Variants in PHYH observed in about 807,000 individuals in gnomAD.
PHYH encodes phytanoyl-CoA 2-hydroxylase, also known as phytanoyl-CoA dioxygenase, peroxisomal.
In PHYH, 32 loss-of-function variants were observed where a neutral mutation model predicts 38.5. The observed-to-expected ratio is 0.83, with a 90% CI of 0.63 to 1.12. PHYH has a LOEUF of 1.12. Among genes scored for constraint, PHYH ranks in the 50% most tolerant of loss-of-function variants. PHYH has a pLI of 0.00. For missense variants in PHYH, 426 were observed against 434.8 expected, an observed-to-expected ratio of 0.98 and a Z score of 0.18; for synonymous variants, 166 against 157.9, an observed-to-expected ratio of 1.05 and a Z score of -0.38.
intron 1 of PHYH, among the ~76,000 whole-genome samples, chr10:13,299,147 A>G (rs1588520445): frequency 1.4e-5 from 2 of 144,756 alleles, no homozygotes; most frequent in East Asian, 4.1e-4. Flanking sequence ...AAAAAAAACC[A>G]AAAAAGCAAA....
intron 7 of PHYH, among the ~76,000 whole-genome samples, chr10:13,283,216 C>T (rs1014531939): frequency 1.3e-5 from 2 of 148,966 alleles, no homozygotes; most frequent in East Asian, 2.0e-4. Flanking sequence ...GCAGACTCCA[C>T]CCCCTGGGGT....
chr10:13,279,058 G>T (rs937976044), intron 8 of PHYH, among the ~76,000 whole-genome samples: 3 of 151,810 alleles, frequency 2.0e-5, no homozygotes, highest in Non-Finnish European at 4.4e-5. Flanking sequence ...GAGTGCAATG[G>T]TACCATCTTG....
chr10:13,299,709 C>T (rs1832696295), intron 1 of PHYH: 2 of 1,292,120 alleles, frequency 1.5e-6, no homozygotes, highest in Non-Finnish European at 2.0e-6. Context: ...CAGAGGCCCC[C>T]AGGGATCCCG....
In PHYH at chr10:13,299,900, A is replaced by G. The variant is rs512109; in HGVS notation, c.75+68T>C. ...CGACCCCGAGGCCTCCACCCGGACC[A>G]GGGCCACCACTCAGGCGGCGGCGCC... On this transcript the variant is annotated intron_variant, in intron 1 of 8. Coordinates refer to ENST00000263038, the MANE Select transcript of PHYH (RefSeq NM_006214.4). The G allele has an allele frequency of 0.99, 1,456,872 of 1,474,656 alleles. 720,274 individuals are homozygous for G. Among genetic ancestry groups the G allele is most frequent in the Non-Finnish European group, 1 (1,117,729 of 1,119,338 alleles). 91.3% of individuals were successfully genotyped at this position (1,474,656 alleles called of 1,614,324 possible). A position where few individuals can be genotyped will look rare whatever the true frequency, so the allele number is the denominator to read the frequency against.
intron 5 of PHYH, 95 bp downstream of exon 5, chr10:13,291,736 C>A (rs1321496824): frequency 3.7e-6 from 3 of 816,364 alleles, no homozygotes; most frequent in Non-Finnish European, 6.3e-6. Flanking sequence ...CCCTTGGTCT[C>A]CTAAAATGCT....
intron 6 of PHYH, among the ~76,000 whole-genome samples, chr10:13,284,724 A>G (rs960317759): frequency 3.4e-4 from 52 of 152,210 alleles, no homozygotes; most frequent in African/African-American, 1.3e-3. Flanking sequence ...TATTTCCCAA[A>G]TTAGTTGCTA....
intron 7 of PHYH, among the ~76,000 whole-genome samples, chr10:13,283,340 A>G (rs1835463475): frequency 6.6e-6 from 1 of 151,908 alleles, no homozygotes; most frequent in African/African-American, 2.4e-5. Context: ...TGTGTTAGCC[A>G]GGATAGTCTC....
chr10:13,278,338 C>G lies in PHYH; in HGVS notation c.980G>C (p.Arg327Pro). 6.2e-7 allele frequency: 1 copy of G among 1,611,752 alleles called. No homozygotes were observed. Among genetic ancestry groups the G allele is most frequent in the South Asian group, 1.1e-5 (1 of 91,020 alleles). ...SVNLKDIWMF[R>P]ARLVKGERTN... ...TCTTTCTCCTTTCACAAGTCGAGCTCGAAACATCCAAATATCCTGGAAATA... is the reference window on the plus strand; with the variant it reads ...TCTTTCTCCTTTCACAAGTCGAGCTGGAAACATCCAAATATCCTGGAAATA... Residue 327 changes from arginine (R) to proline (P), a missense_variant, in exon 9 of 9, where the codon CGA becomes CCA. By Grantham distance (103) the Arg-to-Pro change is moderately radical. Coordinates refer to ENST00000263038, the MANE Select transcript of PHYH (RefSeq NM_006214.4).
rs192176890 is a variant in PHYH at position 13,297,379 on chromosome 10, C to T, written c.134+808G>A. Among the ~76,000 whole-genome samples the T allele has an allele frequency of 1.1e-4, 16 of 152,296 alleles. No individual in the cohort carries two copies. The East Asian group carries it at 2.9e-3, about 28-fold the overall frequency. Reference sequence around the variant, plus strand: ...TATTTAGGAAGGTCAAGATCTTCCCCTTTAAAGGTGATTTAAGATAAACCA... The same window carrying T: ...TATTTAGGAAGGTCAAGATCTTCCCTTTTAAAGGTGATTTAAGATAAACCA... On this transcript the variant is annotated intron_variant, in intron 2 of 8. Transcript: ENST00000263038.
At chr10:13,298,887 C>T (rs1832655879) in intron 1 of PHYH, among the ~76,000 whole-genome samples, 1 of 146,232 alleles carries the variant, frequency 6.8e-6, no homozygotes, top group South Asian at 2.2e-4. Flanking sequence ...CGGCACTGCA[C>T]TCCAGCCTGA....
At chr10:13,290,203 G>C (rs1316299696) in intron 5 of PHYH, among the ~76,000 whole-genome samples, 1 of 150,562 alleles carries the variant, frequency 6.6e-6, no homozygotes. Context: ...GATGAGGCAG[G>C]AGAATCACTC....
At chr10:13,288,250 T>C in intron 6 of PHYH, 110 bp downstream of exon 6, 1 of 970,258 alleles carries the variant, frequency 1.0e-6, no homozygotes, top group Non-Finnish European at 1.6e-6. Flanking sequence ...GGACAATGTT[T>C]TGCTCAGAAA....
chr10:13,284,253 G>A (rs918761738), intron 6 of PHYH, among the ~76,000 whole-genome samples: 1 of 151,990 alleles, frequency 6.6e-6, no homozygotes, highest in Admixed American at 6.6e-5. Flanking sequence ...AGCCGGGAGG[G>A]GGAGGTTCCA....
chr10:13,280,877 G>T, intron 8 of PHYH, 99 bp downstream of exon 8: 2 of 1,145,372 alleles, frequency 1.7e-6, no homozygotes, highest in Non-Finnish European at 2.6e-6. Flanking sequence ...CTAAACCCAA[G>T]CACTATATAC....
At position 13,294,643 on chromosome 10, in the gene PHYH, C is replaced by CA. The variant is rs748861952; in HGVS notation, c.246-48dup. The CA allele has an allele frequency of 1.9e-6, 3 of 1,544,966 alleles. No homozygotes were observed. In the South Asian group the frequency reaches 3.3e-5, roughly 17 times the overall value. On this transcript the variant is annotated intron_variant, in intron 3 of 8. Transcript: ENST00000263038. ...TGATGTCGTTACCGCTGGCTCCAAG[C>CA]ACCTGCCCTGCCCTCCTCTGTGGAA... is the stretch of plus-strand genomic sequence containing the variant.
Position 13,294,597 on chromosome 10 carries a change from C to T in PHYH, c.246-1G>A. 1 of 1,613,778 alleles carries T rather than the reference C, an allele frequency of 6.2e-7. No homozygotes were observed. Among genetic ancestry groups the T allele is most frequent in the Non-Finnish European group, 8.5e-7 (1 of 1,179,780 alleles). On this transcript the variant is annotated splice_acceptor_variant, in intron 3 of 8. Coordinates refer to ENST00000263038, the MANE Select transcript of PHYH (RefSeq NM_006214.4). LOFTEE classifies it high-confidence loss of function. ...TCTGCAGATTTTTTCAAACTCATTC[C>T]TAGAAAATTTAATTTGCAAATGATG...
At chr10:13,295,467 T>C (rs758923121) in intron 3 of PHYH, 29 bp downstream of exon 3, 4 of 1,064,644 alleles carry the variant, frequency 3.8e-6, no homozygotes, top group South Asian at 3.7e-5. Flanking sequence ...ATACATACTA[T>C]TGTAAAATAA....
Position 13,278,248 on chromosome 10 carries a change from A to G in PHYH, c.*53T>C, listed in dbSNP as rs1835334373. The G allele has an allele frequency of 8.5e-7, 1 of 1,173,050 alleles. No homozygotes were observed. The highest frequency in any genetic ancestry group is 1.5e-5 in the African/African-American group (1 of 66,512). The allele number at this position is 1,173,050 out of a possible 1,614,324, so 72.7% of individuals were successfully genotyped here. On this transcript the variant is annotated 3_prime_UTR_variant, in exon 9 of 9. Coordinates refer to ENST00000263038, the MANE Select transcript of PHYH (RefSeq NM_006214.4). The stretch of plus-strand genomic sequence containing the variant: ...CTCATTAAGAAAACATTTTCCTTAG[A>G]CATTTCGTTTGGTTTTGGTTTTCTG...
chr10:13,287,328 A>T (rs548094310), intron 6 of PHYH, among the ~76,000 whole-genome samples: 164 of 149,418 alleles, frequency 1.1e-3, no homozygotes, highest in East Asian at 1.4e-3. Flanking sequence ...ACAGAGTGAG[A>T]CTCCTCAAAA....
Sources: gnomAD v4.1 joint callset for allele counts (sites outside exome capture counted in the v4.1 genomes callset) on GRCh38, gnomAD v4.1.1 for gene constraint, MANE v1.5 for transcripts, NCBI Gene and HGNC (gene_info 2026-07-23, HGNC 2026-07-21) for gene names.